The following KCNMA1 variants were observed in gnomAD, a reference collection of about 807,000 sequenced individuals.
The protein encoded by KCNMA1 is potassium calcium-activated channel subfamily M alpha 1.
In KCNMA1, 29 loss-of-function variants were observed where a neutral mutation model predicts 140.0. The observed-to-expected ratio is 0.21, with a 90% CI of 0.15 to 0.28. KCNMA1 has a LOEUF of 0.28. Ranked by LOEUF, KCNMA1 falls within the 10% of genes least tolerant of loss-of-function variation. KCNMA1 has a pLI of 1.00. For synonymous variants in KCNMA1, 612 were observed against 611.9 expected (o/e 1.00, Z 0.00); for missense variants, 880 against 1,602.2 (o/e 0.55, Z 7.70).
intron 2 of KCNMA1, among the ~76,000 whole-genome samples, chr10:77,364,747 G>A (rs2154403963): frequency 1.3e-5 from 2 of 152,212 alleles, no homozygotes; most frequent in African/African-American, 4.8e-5. Context: ...AACTGCCTTG[G>A]TCCCCAGCCC....
chr10:76,927,360 G>A (rs973870695), intron 23 of KCNMA1, among the ~76,000 whole-genome samples: 4 of 152,142 alleles, frequency 2.6e-5, no homozygotes, highest in South Asian at 2.1e-4. Context: ...AGAAACCACC[G>A]CAATTAGGCC....
intron 19 of KCNMA1, among the ~76,000 whole-genome samples, chr10:76,996,623 A>C (rs955891634): frequency 2.0e-4 from 31 of 152,134 alleles, no homozygotes; most frequent in African/African-American, 3.6e-4. Context: ...AGAGAGAGAG[A>C]GCGCACTCAC....
intron 1 of KCNMA1, among the ~76,000 whole-genome samples, chr10:77,570,743 T>TAA (rs55723326): frequency 3.0e-4 from 45 of 149,162 alleles, no homozygotes; most frequent in South Asian, 1.1e-3. Flanking sequence ...ATAATAATAA[T>TAA]AAAAAAAAGA....
chr10:77,524,108 AAAAG>A (rs1167340566), intron 1 of KCNMA1, among the ~76,000 whole-genome samples: 1 of 152,346 alleles, frequency 6.6e-6, no homozygotes, highest in East Asian at 1.9e-4. Context: ...TAAATAATTT[AAAAG>A]CTTTTTTAAA....
intron 20 of KCNMA1, among the ~76,000 whole-genome samples, chr10:76,961,523 T>A (rs1414376158): frequency 6.6e-6 from 1 of 152,200 alleles, no homozygotes; most frequent in Non-Finnish European, 1.5e-5. Flanking sequence ...CAGCAGAGTA[T>A]GAAAGGATTG....
downstream of KCNMA1, chr10:76,874,398 T>A (rs2031978182): frequency 6.6e-6 from 1 of 152,124 alleles, no homozygotes; most frequent in Non-Finnish European, 1.5e-5. Context: ...TTAGATCACG[T>A]CCCCTGGGAC....
At chr10:77,084,493 C>G (rs1385547696) in intron 12 of KCNMA1, 144 bp downstream of exon 12, 8 of 724,892 alleles carry the variant, frequency 1.1e-5, no homozygotes, top group African/African-American at 1.7e-5. Context: ...TCGGCTCCCC[C>G]AGGCCTATGC....
chr10:77,410,350 C>G (rs2096591460), intron 1 of KCNMA1, among the ~76,000 whole-genome samples: 1 of 152,170 alleles, frequency 6.6e-6, no homozygotes, highest in Admixed American at 6.5e-5. Flanking sequence ...ACTGCAGGCA[C>G]CACACCTGCT....
downstream of KCNMA1, chr10:76,875,906 A>G (rs760482035): frequency 6.6e-6 from 1 of 152,648 alleles, no homozygotes; most frequent in Non-Finnish European, 1.5e-5. Context: ...GTGATTAATT[A>G]TAAGTAGTTT....
chr10:77,433,023 C>T (rs888277269), intron 1 of KCNMA1, among the ~76,000 whole-genome samples: 11 of 152,166 alleles, frequency 7.2e-5, no homozygotes, highest in African/African-American at 2.4e-4. Flanking sequence ...AAAAAGACTC[C>T]GCAACTTCAT....
chr10:77,208,943 G>A (rs1026936532), intron 3 of KCNMA1, among the ~76,000 whole-genome samples: 7 of 152,120 alleles, frequency 4.6e-5, no homozygotes, highest in African/African-American at 7.2e-5. Flanking sequence ...GTGTTCTATG[G>A]TTATGCAGTA....
At chr10:77,225,965 C>A (rs770978357) in intron 3 of KCNMA1, among the ~76,000 whole-genome samples, 2 of 152,180 alleles carry the variant, frequency 1.3e-5, no homozygotes, top group African/African-American at 2.4e-5. Context: ...CGTCAATGCC[C>A]TGGGGGCCCC....
Position 77,264,148 on chromosome 10 carries a change from C to T in KCNMA1, c.541-12892G>A, listed in dbSNP as rs531807270. ...TCTGCATGTGTATTCGCGCAAGTTT[C>T]GAAAGCCTGGCCCACAGCCCCTGAT... On this transcript the variant is annotated intron_variant, in intron 2 of 27. Transcript: ENST00000286628. Among the ~76,000 whole-genome samples, 8 of 152,224 alleles carry T rather than the reference C, an allele frequency of 5.3e-5. No individual in the cohort carries two copies. The South Asian group carries it at 6.2e-4, about 12-fold the overall frequency.
chr10:77,083,846 ACG>A (rs1491573787), intron 12 of KCNMA1, among the ~76,000 whole-genome samples: 46 of 131,944 alleles, frequency 3.5e-4, no homozygotes, highest in Non-Finnish European at 5.4e-4. Flanking sequence ...ATGAAAAAAA[ACG>A]GGGGGGGGTT....
chr10:77,170,782 C>T (rs1272337802), intron 5 of KCNMA1, among the ~76,000 whole-genome samples: 1 of 152,158 alleles, frequency 6.6e-6, no homozygotes, highest in African/African-American at 2.4e-5. Flanking sequence ...TAAAGTCAAG[C>T]AAAGGTGCTC....
intron 1 of KCNMA1, chr10:77,433,543 G>A (rs2097194223): frequency 1.3e-5 from 2 of 152,132 alleles, no homozygotes; most frequent in African/African-American, 4.8e-5. Context: ...TCTTCCCAAA[G>A]GAATACTTTA....
chr10:77,194,735 TG>T (rs2039864424), intron 3 of KCNMA1, among the ~76,000 whole-genome samples: 1 of 152,022 alleles, frequency 6.6e-6, no homozygotes, highest in Non-Finnish European at 1.5e-5. Context: ...TCAAGCAGAA[TG>T]GCACACAAGC....
intron 1 of KCNMA1, among the ~76,000 whole-genome samples, chr10:77,487,843 G>A (rs1418053770): frequency 6.6e-6 from 1 of 152,192 alleles, no homozygotes; most frequent in Non-Finnish European, 1.5e-5. Flanking sequence ...GGATGTGTAA[G>A]AAATGCAAAG....
chr10:77,156,807 A>G (rs1177962710), intron 5 of KCNMA1, among the ~76,000 whole-genome samples: 1 of 152,084 alleles, frequency 6.6e-6, no homozygotes, highest in East Asian at 1.9e-4. Context: ...TGGACCCAAG[A>G]CTCATGACTC....
Sources: allele counts gnomAD v4.1 joint callset (sites outside exome capture counted in the v4.1 genomes callset), GRCh38; gene constraint gnomAD v4.1.1; transcripts MANE v1.5; gene names NCBI Gene and HGNC (gene_info 2026-07-23, HGNC 2026-07-21).